DPYSL3: variants seen among roughly 807,000 people sequenced by gnomAD.
DPYSL3 encodes dihydropyrimidinase-related protein 3.
DPYSL3 carries 16 observed loss-of-function variants against 66.1 expected under a neutral mutation model. The observed-to-expected ratio is 0.24, with a 90% CI of 0.16 to 0.37. The LOEUF (loss-of-function observed/expected upper bound fraction) is 0.37, where lower values mean the gene tolerates loss of function less well. Among genes scored for constraint, DPYSL3 ranks in the 10% least tolerant of loss-of-function variants. The pLI, the probability that DPYSL3 is intolerant of heterozygous loss-of-function variation, is 1.00. For missense variants in DPYSL3, 738 were observed against 916.2 expected, an observed-to-expected ratio of 0.81 and a Z score of 2.51; for synonymous variants, 338 against 345.1, an observed-to-expected ratio of 0.98 and a Z score of 0.23.
intron 1 of DPYSL3, among the ~76,000 whole-genome samples, chr5:147,457,944 A>AT (rs1362780175): frequency 1.3e-5 from 2 of 151,990 alleles, no homozygotes; most frequent in Non-Finnish European, 2.9e-5. Flanking sequence ...GACTCCATCT[A>AT]TTTTTTCTGC....
rs1213722276 is a variant in DPYSL3, at chr5:147,412,649, T to C, written c.922A>G (p.Ile308Val). ...CCATTCTCAGCATGAACTTGAGCAATGGCCCCCAGCTCTCCCAGGCAGGTG... is the reference window on the plus strand; with the variant it reads ...CCATTCTCAGCATGAACTTGAGCAACGGCCCCCAGCTCTCCCAGGCAGGTG... ...IFTCLGELGA[I>V]AQVHAENGDI... Residue 308 changes from isoleucine to valine, a missense_variant, in exon 6 of 14, where the codon ATT becomes GTT. Ile to Val is a conservative substitution (Grantham distance 29). Transcript: ENST00000343218. 1.2e-6 allele frequency: 2 copies of C among 1,612,920 alleles called. No homozygotes were observed. The highest frequency in any genetic ancestry group is 1.7e-6 in the Non-Finnish European group (2 of 1,179,610).
chr5:147,425,364 A>C (rs1016346889), intron 1 of DPYSL3, among the ~76,000 whole-genome samples: 6 of 152,218 alleles, frequency 3.9e-5, no homozygotes, highest in African/African-American at 1.4e-4. Flanking sequence ...GGTGATTCTC[A>C]AAAATAGAAC....
At chr5:147,413,737 A>G (rs1354871413) in intron 4 of DPYSL3, 80 bp from the exon 5 acceptor site, 1 of 1,156,910 alleles carries the variant, frequency 8.6e-7, no homozygotes, top group Non-Finnish European at 1.3e-6. Context: ...TCCCACTTCC[A>G]TCGACCATAG....
Position 147,401,677 on chromosome 5 carries a change from C to T in DPYSL3, c.1173G>A (p.Glu391=). 1 of 1,614,088 alleles carries T rather than the reference C, an allele frequency of 6.2e-7. No individual in the cohort carries two copies. The highest frequency in any genetic ancestry group is 8.5e-7 in the Non-Finnish European group (1 of 1,180,018). Residue 391 remains glutamate, a synonymous_variant, in exon 9 of 14, where the codon GAG becomes GAA. Transcript: ENST00000343218. ...ARKKGNVVFG[E]PITASLGIDG... is the part of the protein sequence containing the mutation. Reference sequence around the variant, plus strand: ...CTATGCCGAGGCTGGCAGTGATGGGCTCACCAAAGACTACATTTCCTAGAA... The same window carrying T: ...CTATGCCGAGGCTGGCAGTGATGGGTTCACCAAAGACTACATTTCCTAGAA...
intron 1 of DPYSL3, among the ~76,000 whole-genome samples, chr5:147,475,094 C>G (rs769341603): frequency 6.6e-6 from 1 of 152,022 alleles, no homozygotes; most frequent in Non-Finnish European, 1.5e-5. Context: ...AGTTGCACTC[C>G]TGGGCATTTA....
At chr5:147,455,445 T>C (rs1213486378) in intron 1 of DPYSL3, among the ~76,000 whole-genome samples, 1 of 152,152 alleles carries the variant, frequency 6.6e-6, no homozygotes, top group African/African-American at 2.4e-5. Flanking sequence ...CCTATACTCT[T>C]GCAAAACACA....
At chr5:147,494,455 T>C (rs1407346361) in intron 1 of DPYSL3, among the ~76,000 whole-genome samples, 1 of 151,082 alleles carries the variant, frequency 6.6e-6, no homozygotes, top group Non-Finnish European at 1.5e-5. Context: ...TTCAAAAAGA[T>C]CAATAAAATA....
intron 1 of DPYSL3, among the ~76,000 whole-genome samples, chr5:147,445,232 C>G (rs1294942177): frequency 1.3e-5 from 2 of 152,186 alleles, no homozygotes; most frequent in Admixed American, 1.3e-4. Context: ...GGAGGCCAGA[C>G]AAGAAAGAAG....
chr5:147,487,371 G>A (rs1282707910), intron 1 of DPYSL3, among the ~76,000 whole-genome samples: 1 of 152,142 alleles, frequency 6.6e-6, no homozygotes, highest in African/African-American at 2.4e-5. Flanking sequence ...CCTGAAAGGG[G>A]AACAAGTGTT....
At chr5:147,473,582 A>G (rs1044099693) in intron 1 of DPYSL3, among the ~76,000 whole-genome samples, 2 of 152,102 alleles carry the variant, frequency 1.3e-5, no homozygotes, top group African/African-American at 2.4e-5. Context: ...TCTTCTTCTT[A>G]GTTTGGAATT....
At chr5:147,434,304 A>G (rs1024746525) in intron 1 of DPYSL3, among the ~76,000 whole-genome samples, 1 of 152,214 alleles carries the variant, frequency 6.6e-6, no homozygotes. Context: ...CTGGATTTAT[A>G]TGATAGTTTT....
In DPYSL3 at chr5:147,397,844, G is replaced by T. The variant is rs758085369; in HGVS notation, c.1625C>A (p.Ala542Glu). ...KIVSAKNHQS[A>E]AEYNIFEGME... ...CCCTTCAAAGATGTTGTACTCTGCC[G>T]CCTAGAGGCAGGGGTGAGAAGCAAA... The change falls in exon 12 of 14, where the codon GCG becomes GAG. Residue 542 changes from alanine to glutamate, a missense_variant and splice_region_variant. Transcript: ENST00000343218. 1.3e-6 allele frequency: 2 copies of T among 1,599,682 alleles called. No homozygotes were observed. The highest frequency in any genetic ancestry group is 2.2e-5 in the East Asian group (1 of 44,462).
At chr5:147,467,733 T>C (rs1479243718) in intron 1 of DPYSL3, among the ~76,000 whole-genome samples, 1 of 152,226 alleles carries the variant, frequency 6.6e-6, no homozygotes, top group Non-Finnish European at 1.5e-5. Flanking sequence ...ATACCTTTCA[T>C]GGGGATTGTC....
At chr5:147,507,724 T>C (rs899887524) in intron 1 of DPYSL3, among the ~76,000 whole-genome samples, 37 of 152,276 alleles carry the variant, frequency 2.4e-4, no homozygotes, top group Non-Finnish European at 4.1e-4. Flanking sequence ...ATCCTGCTGA[T>C]GCCTAGGTTG....
At chr5:147,408,902 T>C (rs912062862) in intron 6 of DPYSL3, 106 bp from the exon 7 acceptor site, 16 of 1,095,556 alleles carry the variant, frequency 1.5e-5, no homozygotes, top group Non-Finnish European at 2.1e-5. Context: ...TATGCGTATG[T>C]TGAACAGATG....
In DPYSL3 at chr5:147,415,798, T is replaced by C; in HGVS notation, c.731A>G (p.Lys244Arg). The change falls in exon 4 of 14, where the codon AAG becomes AGG. Residue 244 changes from lysine (K) to arginine (R), a missense_variant. By Grantham distance (26) the Lys-to-Arg change is conservative. Transcript: ENST00000343218. ...ATGCAGGGCATAGTCACAGCAACTC[T>C]TCCCATCAGCCCACTCTCTCCATTT... ...YEKWREWADG[K>R]SCCDYALHVD... 4.3e-6 allele frequency: 7 copies of C among 1,614,108 alleles called. No individual in the cohort carries two copies. Among genetic ancestry groups the C allele is most frequent in the Non-Finnish European group, 5.9e-6 (7 of 1,179,988 alleles).
chr5:147,453,508 G>A, intron 1 of DPYSL3: 1 of 1,517,066 alleles, frequency 6.6e-7, no homozygotes, highest in South Asian at 1.2e-5. Flanking sequence ...AGCGGACAGG[G>A]AGCGAGCGAG....
intron 2 of DPYSL3, among the ~76,000 whole-genome samples, chr5:147,418,931 C>T (rs1003630894): frequency 4.7e-4 from 71 of 152,044 alleles, no homozygotes; most frequent in Non-Finnish European, 5.9e-4. Flanking sequence ...ATACTTTTTT[C>T]ATATAAATAT....
At chr5:147,495,160 C>T (rs905714000) in intron 1 of DPYSL3, among the ~76,000 whole-genome samples, 1 of 152,176 alleles carries the variant, frequency 6.6e-6, no homozygotes, top group African/African-American at 2.4e-5. Flanking sequence ...TCTACAATCT[C>T]TTTCAGAGAT....
Sources: gnomAD v4.1 joint callset for allele counts (sites outside exome capture counted in the v4.1 genomes callset) on GRCh38, gnomAD v4.1.1 for gene constraint, MANE v1.5 for transcripts, NCBI Gene and HGNC (gene_info 2026-07-23, HGNC 2026-07-21) for gene names.